The following FILIP1L variants were observed in gnomAD, a reference collection of about 807,000 sequenced individuals.
FILIP1L encodes the protein filamin A-interacting protein 1-like.
In FILIP1L, 55 loss-of-function variants were observed where a neutral mutation model predicts 96.6. That is an observed-to-expected ratio of 0.57 (90% CI 0.46 to 0.71). FILIP1L has a LOEUF of 0.71. Among genes scored for constraint, FILIP1L ranks in the 30% least tolerant of loss-of-function variants. FILIP1L has a pLI of 0.00. For synonymous variants in FILIP1L, 467 were observed against 473.9 expected (o/e 0.99, Z 0.19); for missense variants, 1,304 against 1,321.2 (o/e 0.99, Z 0.20).
intron 4 of FILIP1L, among the ~76,000 whole-genome samples, chr3:99,915,238 T>C (rs1706915568): frequency 6.6e-6 from 1 of 152,222 alleles, no homozygotes; most frequent in Admixed American, 6.5e-5. Context: ...GAGAGATTAA[T>C]GGAAAATAAT....
intron 5 of FILIP1L, among the ~76,000 whole-genome samples, chr3:99,841,840 G>A (rs920246846): frequency 6.6e-5 from 10 of 152,136 alleles, no homozygotes; most frequent in African/African-American, 2.4e-4. Flanking sequence ...AATAATAGAT[G>A]TTGGTGTGGA....
chr3:99,908,241 A>G (rs1485035979), intron 4 of FILIP1L, among the ~76,000 whole-genome samples: 1 of 152,260 alleles, frequency 6.6e-6, no homozygotes, highest in Middle Eastern at 3.2e-3. Context: ...CTTTTAGCAA[A>G]TAAGACCTTT....
At chr3:100,085,188 C>T (rs1284208331) in intron 1 of FILIP1L, among the ~76,000 whole-genome samples, 2 of 152,136 alleles carry the variant, frequency 1.3e-5, no homozygotes, top group African/African-American at 4.8e-5. Flanking sequence ...TTAAAAGTAT[C>T]TAAGGTGATT....
intron 5 of FILIP1L, among the ~76,000 whole-genome samples, chr3:99,837,976 A>T (rs1237252023): frequency 6.6e-6 from 1 of 152,156 alleles, no homozygotes; most frequent in African/African-American, 2.4e-5. Context: ...CATGGTTGTG[A>T]TGTTCCTTCC....
chr3:100,014,489 T>C (rs1285030589), intron 1 of FILIP1L, among the ~76,000 whole-genome samples: 1 of 152,126 alleles, frequency 6.6e-6, no homozygotes, highest in Non-Finnish European at 1.5e-5. Context: ...TTTCTCCACA[T>C]CCTCACCAAC....
chr3:100,082,141 A>G (rs1288882568), intron 1 of FILIP1L, among the ~76,000 whole-genome samples: 1 of 152,116 alleles, frequency 6.6e-6, no homozygotes, highest in East Asian at 1.9e-4. Context: ...TGCAAAATAC[A>G]AACAACTCTT....
chr3:99,861,742 G>A (rs758373684), intron 4 of FILIP1L, among the ~76,000 whole-genome samples: 8 of 152,194 alleles, frequency 5.3e-5, no homozygotes, highest in African/African-American at 1.7e-4. Context: ...CTCTAGTACC[G>A]AAGCACCAAT....
At chr3:99,907,750 T>A (rs1706666426) in intron 4 of FILIP1L, among the ~76,000 whole-genome samples, 1 of 152,204 alleles carries the variant, frequency 6.6e-6, no homozygotes, top group Non-Finnish European at 1.5e-5. Context: ...TCTCTTTTTC[T>A]CCTTGTCTGA....
intron 4 of FILIP1L, among the ~76,000 whole-genome samples, chr3:99,899,718 C>A (rs1347390441): frequency 2.6e-5 from 4 of 152,146 alleles, no homozygotes; most frequent in Admixed American, 2.0e-4. Context: ...TATGGTCCAC[C>A]TTCAGGGCAT....
At chr3:100,009,831 A>G (rs1279222811) in intron 1 of FILIP1L, among the ~76,000 whole-genome samples, 7 of 152,190 alleles carry the variant, frequency 4.6e-5, no homozygotes. Context: ...TAGCCCTTAT[A>G]TGTATACGTG....
chr3:99,942,597 C>T (rs543447749), intron 1 of FILIP1L, among the ~76,000 whole-genome samples: 50 of 152,216 alleles, frequency 3.3e-4, no homozygotes, highest in African/African-American at 1.2e-3. Context: ...TTTGGGAGAC[C>T]GAGGCGGGCG....
At chr3:99,859,681 A>G (rs986102371) in intron 4 of FILIP1L, among the ~76,000 whole-genome samples, 1 of 152,170 alleles carries the variant, frequency 6.6e-6, no homozygotes, top group Non-Finnish European at 1.5e-5. Context: ...CGTTGATAGT[A>G]GCTGTGTTCA....
intron 1 of FILIP1L, among the ~76,000 whole-genome samples, chr3:100,107,401 T>C (rs921223534): frequency 6.6e-6 from 1 of 152,142 alleles, no homozygotes; most frequent in African/African-American, 2.4e-5. Flanking sequence ...TTCTGACACT[T>C]TGTTGGTAGA....
chr3:100,039,572 A>G (rs1347481219), intron 1 of FILIP1L, among the ~76,000 whole-genome samples: 1 of 152,156 alleles, frequency 6.6e-6, no homozygotes, highest in Non-Finnish European at 1.5e-5. Context: ...CCAGATACCA[A>G]ATAAGATCTA....
At chr3:100,061,404 G>A (rs1213428014) in intron 1 of FILIP1L, among the ~76,000 whole-genome samples, 7 of 152,168 alleles carry the variant, frequency 4.6e-5, no homozygotes, top group Admixed American at 2.0e-4. Flanking sequence ...TAAATGTTTG[G>A]CTGATGTAGG....
At chr3:100,076,174 A>G (rs1274597265) in intron 1 of FILIP1L, among the ~76,000 whole-genome samples, 1 of 152,188 alleles carries the variant, frequency 6.6e-6, no homozygotes, top group Non-Finnish European at 1.5e-5. Flanking sequence ...AATGTAAACA[A>G]TAATTTTGAT....
chr3:99,922,707 A>G (rs1707162666), intron 4 of FILIP1L, among the ~76,000 whole-genome samples: 1 of 152,202 alleles, frequency 6.6e-6, no homozygotes, highest in East Asian at 1.9e-4. Context: ...TCAGTTTCAT[A>G]TGGATGCTTA....
At chr3:99,867,605 T>C (rs1452068507) in intron 4 of FILIP1L, among the ~76,000 whole-genome samples, 1 of 152,164 alleles carries the variant, frequency 6.6e-6, no homozygotes, top group Non-Finnish European at 1.5e-5. Context: ...CCTCATCTGC[T>C]TGTCACCTTA....
At chr3:100,075,565 C>CTTTT (rs1218386491) in intron 1 of FILIP1L, 2 of 142,228 alleles carry the variant, frequency 1.4e-5, no homozygotes, top group Non-Finnish European at 3.1e-5. Flanking sequence ...TTTTCTTTTT[C>CTTTT]TTTTTTTTTT....
Sources: allele counts gnomAD v4.1 joint callset (sites outside exome capture counted in the v4.1 genomes callset), GRCh38; gene constraint gnomAD v4.1.1; transcripts MANE v1.5; gene names NCBI Gene and HGNC (gene_info 2026-07-23, HGNC 2026-07-21).